Variants in MED12L observed in about 807,000 individuals in gnomAD.
MED12L encodes the protein mediator of RNA polymerase II transcription subunit 12-like protein.
MED12L carries 60 observed loss-of-function variants against 281.3 expected under a neutral mutation model. That is an observed-to-expected ratio of 0.21 (90% CI 0.17 to 0.26). MED12L has a LOEUF of 0.26. Among genes scored for constraint, MED12L ranks in the 10% least tolerant of loss-of-function variants. The pLI is 1.00. For missense variants in MED12L, 2,146 were observed against 2,680.9 expected (o/e 0.80, Z 4.41); for synonymous variants, 974 against 987.2 (o/e 0.99, Z 0.25).
intron 11 of MED12L, among the ~76,000 whole-genome samples, chr3:151,175,552 A>G (rs1368969456): frequency 6.6e-6 from 1 of 152,212 alleles, no homozygotes; most frequent in South Asian, 2.1e-4. Flanking sequence ...TGAAACTGGC[A>G]AAAGATCTCA....
chr3:151,335,784 A>C (rs999803711), intron 16 of MED12L, among the ~76,000 whole-genome samples: 1 of 152,226 alleles, frequency 6.6e-6, no homozygotes, highest in Non-Finnish European at 1.5e-5. Flanking sequence ...CTGAATAAAG[A>C]TATCCCAGCA....
chr3:151,101,636 G>A (rs1356828800), intron 2 of MED12L, among the ~76,000 whole-genome samples: 3 of 151,234 alleles, frequency 2.0e-5, no homozygotes, highest in African/African-American at 7.3e-5. Context: ...AGCTGGAAGG[G>A]AGGAGGAGGG....
chr3:151,190,786 G>A lies in MED12L; in HGVS notation c.1823G>A (p.Arg608His), dbSNP rs148824582. ...NLVLLFCEFI[R>H]HDVFSHDAYM... ...GTGCTGCTCTTCTGCGAGTTCATCCGCCATGATGTCTTCTCCCATGACGCA... is the reference window on the plus strand; with the variant it reads ...GTGCTGCTCTTCTGCGAGTTCATCCACCATGATGTCTTCTCCCATGACGCA... The change falls in exon 14 of 45, where the codon CGC becomes CAC. Residue 608 changes from arginine (R) to histidine (H), a missense_variant. Physicochemically the swap from Arg to His is conservative, Grantham distance 29 (BLOSUM62 0). Transcript: ENST00000687756. 3.7e-6 allele frequency: 6 copies of A among 1,614,174 alleles called. No individual in the cohort carries two copies. The highest frequency in any genetic ancestry group is 1.3e-5 in the African/African-American group (1 of 75,036).
rs1341156481 is a variant in MED12L at position 151,435,873 on chromosome 3, A to AGAATT, written c.*3070_*3074dup. Reference sequence around the variant, plus strand: ...TCCCAAGCATTTTCCCATCCCATAAAGAATTAATGAAATGAAATGCTTATA... The same window carrying AGAATT: ...TCCCAAGCATTTTCCCATCCCATAAAGAATTGAATTAATGAAATGAAATGCTTATA... On this transcript the variant is annotated 3_prime_UTR_variant, in exon 45 of 45. Coordinates refer to ENST00000687756, the MANE Select transcript of MED12L (RefSeq NM_001393769.1). 1.3e-5 allele frequency: 2 copies of AGAATT among 151,960 alleles called. No individual in the cohort carries two copies. The highest frequency in any genetic ancestry group is 3.8e-4 in the East Asian group (2 of 5,202). 9.4% of individuals were successfully genotyped at this position (151,960 alleles called of 1,614,324 possible). A position where few individuals can be genotyped will look rare whatever the true frequency, so the allele number is the denominator to read the frequency against.
intron 16 of MED12L, among the ~76,000 whole-genome samples, chr3:151,277,105 G>A (rs1054116399): frequency 2.6e-5 from 4 of 151,856 alleles, no homozygotes; most frequent in African/African-American, 4.8e-5. Context: ...TACCACGTTG[G>A]CCAGGCTGGT....
chr3:151,349,590 T>A (rs1752973858), intron 16 of MED12L, among the ~76,000 whole-genome samples: 1 of 146,404 alleles, frequency 6.8e-6, no homozygotes, highest in African/African-American at 2.7e-5. Flanking sequence ...TGTCCAGGAA[T>A]ATTTTTTATA....
At chr3:151,094,274 A>ATGG (rs1484936687) in intron 2 of MED12L, among the ~76,000 whole-genome samples, 5 of 152,248 alleles carry the variant, frequency 3.3e-5, no homozygotes, top group African/African-American at 1.2e-4. Context: ...TGGGAACACC[A>ATGG]TTCTCAGGGC....
At chr3:151,312,321 A>G (rs1747658275) in intron 16 of MED12L, among the ~76,000 whole-genome samples, 1 of 152,236 alleles carries the variant, frequency 6.6e-6, no homozygotes, top group Admixed American at 6.5e-5. Flanking sequence ...TGAGAGCCAC[A>G]GAGCTTCATA....
intron 16 of MED12L, among the ~76,000 whole-genome samples, chr3:151,305,502 G>A (rs1746518135): frequency 6.6e-6 from 1 of 152,114 alleles, no homozygotes; most frequent in South Asian, 2.1e-4. Context: ...CGAACTTGGT[G>A]GTTGATACCT....
At chr3:151,360,724 A>T in intron 21 of MED12L, 119 bp downstream of exon 21, 1 of 906,192 alleles carries the variant, frequency 1.1e-6, no homozygotes, top group Non-Finnish European at 1.7e-6. Flanking sequence ...TCTATTAGGC[A>T]GTAATTTTGA....
chr3:151,351,948 G>A (rs1349552225), intron 17 of MED12L, among the ~76,000 whole-genome samples: 1 of 152,178 alleles, frequency 6.6e-6, no homozygotes, highest in African/African-American at 2.4e-5. Flanking sequence ...AAACATTGTT[G>A]TTCTGTGCTG....
intron 5 of MED12L, among the ~76,000 whole-genome samples, chr3:151,137,044 C>A (rs986633927): frequency 6.6e-6 from 1 of 151,844 alleles, no homozygotes; most frequent in African/African-American, 2.4e-5. Flanking sequence ...TGCCTGTAAT[C>A]CCAGCTACTC....
At chr3:151,135,852 G>T (rs1390690654) in intron 5 of MED12L, among the ~76,000 whole-genome samples, 1 of 152,234 alleles carries the variant, frequency 6.6e-6, no homozygotes, top group Admixed American at 6.5e-5. Flanking sequence ...GGCAACTAGA[G>T]AAAGAAATAT....
At chr3:151,097,822 CG>C (rs1428571570) in intron 2 of MED12L, among the ~76,000 whole-genome samples, 2 of 152,106 alleles carry the variant, frequency 1.3e-5, no homozygotes, top group Non-Finnish European at 2.9e-5. Flanking sequence ...TCAGTAGTTC[CG>C]GGGTTGAGAA....
chr3:151,215,674 G>T (rs192383650), intron 16 of MED12L, among the ~76,000 whole-genome samples: 94 of 152,278 alleles, frequency 6.2e-4, no homozygotes, highest in African/African-American at 2.2e-3. Context: ...TGATATATCG[G>T]AACAGATGTT....
intron 16 of MED12L, among the ~76,000 whole-genome samples, chr3:151,319,448 C>T (rs560466231): frequency 7.5e-6 from 1 of 132,882 alleles, no homozygotes; most frequent in Admixed American, 7.9e-5. Flanking sequence ...ACAGAACATC[C>T]AGGTGTGTGT....
intron 16 of MED12L, chr3:151,328,848 C>T (rs759831858): frequency 2.5e-6 from 4 of 1,613,834 alleles, no homozygotes; most frequent in African/African-American, 2.7e-5. Context: ...GGGATGTGAA[C>T]AAACACCCAC....
At chr3:151,344,111 T>C (rs149423230) in intron 16 of MED12L, among the ~76,000 whole-genome samples, 481 of 152,230 alleles carry the variant, frequency 3.2e-3, no homozygotes, top group African/African-American at 0.011. Context: ...ATGCCGTCTT[T>C]TGTGACCTAG....
intron 12 of MED12L, among the ~76,000 whole-genome samples, chr3:151,185,805 G>A (rs1012307577): frequency 6.6e-6 from 1 of 152,070 alleles, no homozygotes; most frequent in African/African-American, 2.4e-5. Flanking sequence ...TGGTGCCACT[G>A]TACTCTAGCC....
Sources: gnomAD v4.1 joint callset for allele counts (sites outside exome capture counted in the v4.1 genomes callset) on GRCh38, gnomAD v4.1.1 for gene constraint, MANE v1.5 for transcripts, NCBI Gene and HGNC (gene_info 2026-07-23, HGNC 2026-07-21) for gene names.